Variants in GAB1 observed in about 807,000 individuals in gnomAD.
GAB1 encodes GRB2 associated binding protein 1.
GAB1 carries 19 observed loss-of-function variants against 66.5 expected under a neutral mutation model. That is an observed-to-expected ratio of 0.29 (90% confidence interval 0.20 to 0.42). The LOEUF (loss-of-function observed/expected upper bound fraction) is 0.42, where lower values mean the gene tolerates loss of function less well. Among genes scored for constraint, GAB1 ranks in the 10% least tolerant of loss-of-function variants. The probability of loss-of-function intolerance (pLI) is 1.00; values close to 1 mark genes in which losing one functional copy is unlikely to be tolerated. For synonymous variants in GAB1, 294 were observed against 301.4 expected (o/e 0.98, Z 0.25); for missense variants, 732 against 858.5 (o/e 0.85, Z 1.84).
Position 143,337,164 on chromosome 4 carries a change from G to A in GAB1, c.-25G>A. 6.4e-7 allele frequency: 1 copy of A among 1,559,846 alleles called. No individual in the cohort carries two copies. Among genetic ancestry groups the A allele is most frequent in the Non-Finnish European group, 8.7e-7 (1 of 1,151,340 alleles). ...GCGCCCGCCGCCCCTCAGCTGCCCG[G>A]CCCGGAGCCCGAGACGCGCGCACCA... is the stretch of plus-strand genomic sequence containing the variant. On this transcript the variant is annotated 5_prime_UTR_variant, in exon 1 of 10. Transcript: ENST00000262994.
In GAB1 at chr4:143,363,886, G is replaced by GC. The variant is rs377159009; in HGVS notation, c.72+26628dup. Among the ~76,000 whole-genome samples, 601 of 152,164 alleles carry GC rather than the reference G, an allele frequency of 3.9e-3. 1 individual carries two copies. The highest frequency in any genetic ancestry group is 0.024 in the Middle Eastern group (7 of 294). On this transcript the variant is annotated intron_variant, in intron 1 of 9. Transcript: ENST00000262994. ...TAGAGTTACATCTGTTGCTTTAGAGGCCATCATCCCTCGAGAATGACTTAA... is the reference window on the plus strand; with the variant it reads ...TAGAGTTACATCTGTTGCTTTAGAGGCCCATCATCCCTCGAGAATGACTTAA...
intron 6 of GAB1, among the ~76,000 whole-genome samples, chr4:143,445,027 A>G (rs181775342): frequency 6.6e-6 from 1 of 152,236 alleles, no homozygotes; most frequent in East Asian, 1.9e-4. Context: ...TGTCTTTGCT[A>G]TTGTAAACAC....
At position 143,459,599 on chromosome 4, in the gene GAB1, T is replaced by C. The variant is rs995941115; in HGVS notation, c.1679+121T>C. ...ATGGATGATCTGAAGAGCCCCCTTTTTGGGGGTTCTGTGAAGTCAAAACCA... is the reference window on the plus strand; with the variant it reads ...ATGGATGATCTGAAGAGCCCCCTTTCTGGGGGTTCTGTGAAGTCAAAACCA... On this transcript the variant is annotated intron_variant, in intron 7 of 9. Coordinates refer to ENST00000262994, the MANE Select transcript of GAB1 (RefSeq NM_002039.4). 11 of 701,678 alleles carry C rather than the reference T, an allele frequency of 1.6e-5. No individual in the cohort carries two copies. The African/African-American group carries it at 2.0e-4, about 13-fold the overall frequency. 43.5% of individuals were successfully genotyped at this position (701,678 alleles called of 1,614,324 possible).
chr4:143,452,105 C>T (rs751200983), intron 6 of GAB1, among the ~76,000 whole-genome samples: 7 of 152,020 alleles, frequency 4.6e-5, no homozygotes, highest in Non-Finnish European at 1.0e-4. Context: ...GTTTGCAAGG[C>T]TATTTTCTTT....
intron 1 of GAB1, among the ~76,000 whole-genome samples, chr4:143,347,040 T>C (rs1322054686): frequency 6.6e-6 from 1 of 152,234 alleles, no homozygotes; most frequent in East Asian, 1.9e-4. Context: ...TCTAGTTGAT[T>C]TTCATAGTGA....
intron 1 of GAB1, among the ~76,000 whole-genome samples, chr4:143,356,176 A>G (rs1038487387): frequency 6.6e-6 from 1 of 152,198 alleles, no homozygotes; most frequent in Non-Finnish European, 1.5e-5. Context: ...CAAATCAAAG[A>G]CAAGCAGTTA....
intron 1 of GAB1, among the ~76,000 whole-genome samples, chr4:143,353,948 G>T (rs1256417838): frequency 1.3e-5 from 2 of 152,136 alleles, no homozygotes; most frequent in Non-Finnish European, 2.9e-5. Context: ...CTTTGTAAGT[G>T]TTGAGGATCA....
intron 1 of GAB1, among the ~76,000 whole-genome samples, chr4:143,386,376 A>C (rs144361420): frequency 7.9e-5 from 12 of 152,258 alleles, no homozygotes; most frequent in Admixed American, 7.9e-4. Flanking sequence ...CCTGAAGGCA[A>C]TTTTATATAA....
intron 2 of GAB1, among the ~76,000 whole-genome samples, chr4:143,418,436 A>G (rs1385756897): frequency 1.3e-5 from 2 of 152,232 alleles, no homozygotes; most frequent in Non-Finnish European, 2.9e-5. Context: ...GTTAACATCT[A>G]GTCAGTTGAT....
At chr4:143,387,910 G>T (rs1213878619) in intron 1 of GAB1, among the ~76,000 whole-genome samples, 1 of 152,058 alleles carries the variant, frequency 6.6e-6, no homozygotes, top group African/African-American at 2.4e-5. Context: ...TTGTGCCTGC[G>T]CTGTACTTTG....
At chr4:143,349,200 T>TA in intron 1 of GAB1, 1 of 541,190 alleles carries the variant, frequency 1.8e-6, no homozygotes, top group Non-Finnish European at 3.2e-6. Flanking sequence ...CTGGAGTAGT[T>TA]ATATATTATT....
chr4:143,430,681 A>G (rs188543012), intron 2 of GAB1, among the ~76,000 whole-genome samples: 73 of 152,300 alleles, frequency 4.8e-4, no homozygotes, highest in African/African-American at 1.5e-3. Flanking sequence ...AAAAAGCAGA[A>G]ACCTTTTATA....
At position 143,438,274 on chromosome 4, in the gene GAB1, C is replaced by A. The variant is rs763887621; in HGVS notation, c.869C>A (p.Pro290Gln). Residue 290 changes from proline (P) to glutamine (Q), a missense_variant, in exon 4 of 10, where the codon CCA (proline) becomes CAA (glutamine). Pro to Gln is a moderately conservative substitution (Grantham distance 76). This residue lies in a region of GAB1 where 427 missense variants were observed against 420.6 expected (regional missense o/e 1.02). Coordinates refer to ENST00000262994, the MANE Select transcript of GAB1 (RefSeq NM_002039.4). Reference protein sequence around the residue: ...ADGELYVFNTPSGTSSVETQM... With the variant: ...ADGELYVFNTQSGTSSVETQM... Reference sequence around the variant, plus strand: ...GGAGAACTCTATGTTTTTAATACCCCATCTGGGACATCGAGTGTAGAGACT... The same window carrying A: ...GGAGAACTCTATGTTTTTAATACCCAATCTGGGACATCGAGTGTAGAGACT... 3.1e-6 allele frequency: 5 copies of A among 1,613,802 alleles called. No homozygotes were observed. The highest frequency in any genetic ancestry group is 1.1e-5 in the South Asian group (1 of 91,076).
chr4:143,403,309 A>G (rs142686577), intron 1 of GAB1, among the ~76,000 whole-genome samples: 81 of 152,318 alleles, frequency 5.3e-4, no homozygotes, highest in African/African-American at 1.8e-3. Flanking sequence ...TAAATCATGC[A>G]TATACAATAC....
chr4:143,426,174 C>T (rs991229192), intron 2 of GAB1, among the ~76,000 whole-genome samples: 1 of 152,200 alleles, frequency 6.6e-6, no homozygotes, highest in Non-Finnish European at 1.5e-5. Flanking sequence ...CTTGATTCAT[C>T]TAGGAGTGCT....
Position 143,441,103 on chromosome 4 carries a change from T to C in GAB1, c.1585+721T>C, listed in dbSNP as rs562445207. ...TAGTCTGTCATTTTTTTTTCCATGC[T>C]GGCCTTCATAAGTAACATTAAGTTC... On this transcript the variant is annotated intron_variant, in intron 6 of 9. Coordinates refer to ENST00000262994, the MANE Select transcript of GAB1 (RefSeq NM_002039.4). 4.1e-3 allele frequency among the ~76,000 whole-genome samples: 622 copies of C among 152,322 alleles called. 4 individuals carry two copies. The highest frequency in any genetic ancestry group is 0.014 in the African/African-American group (590 of 41,574).
chr4:143,364,903 A>T (rs1581230683), intron 1 of GAB1, among the ~76,000 whole-genome samples: 2 of 105,030 alleles, frequency 1.9e-5, no homozygotes, highest in Non-Finnish European at 3.5e-5. Context: ...TTGGAGACGG[A>T]GTCTCACTCT....
intron 1 of GAB1, among the ~76,000 whole-genome samples, chr4:143,397,765 C>T (rs1414314634): frequency 6.6e-6 from 1 of 152,182 alleles, no homozygotes; most frequent in African/African-American, 2.4e-5. Context: ...TTCCTCCTGA[C>T]ATATGAACCT....
chr4:143,417,432 G>A (rs1407982101), intron 2 of GAB1: 2 of 429,880 alleles, frequency 4.7e-6, no homozygotes, highest in Non-Finnish European at 9.3e-6. Flanking sequence ...TTTTGAGATA[G>A]GATCTCACTT....
Sources: gnomAD v4.1 joint callset for allele counts (sites outside exome capture counted in the v4.1 genomes callset) on GRCh38, gnomAD v4.1.1 for gene constraint, gnomAD v4.1.1 regional missense constraint, MANE v1.5 for transcripts, NCBI Gene and HGNC (gene_info 2026-07-23, HGNC 2026-07-21) for gene names.